MAP3K8: variants seen among roughly 807,000 people sequenced by gnomAD.
MAP3K8 encodes mitogen-activated protein kinase kinase kinase 8, also known as Ewing sarcoma transformant.
MAP3K8 carries 22 observed loss-of-function variants against 45.8 expected under a neutral mutation model. The observed-to-expected ratio is 0.48, with a 90% CI of 0.34 to 0.69. The LOEUF (loss-of-function observed/expected upper bound fraction) is 0.69, where lower values mean the gene tolerates loss of function less well. MAP3K8 is among the 30% of genes least tolerant of loss of function. The pLI, the probability that MAP3K8 is intolerant of heterozygous loss-of-function variation, is 0.01. For missense variants in MAP3K8, 419 were observed against 585.0 expected (o/e 0.72, Z 2.93); for synonymous variants, 223 against 214.3 (o/e 1.04, Z -0.36).
At chr10:30,434,404 C>T in intron 1 of MAP3K8, 26 bp downstream of exon 1, 1 of 962,968 alleles carries the variant, frequency 1.0e-6, no homozygotes, top group South Asian at 4.8e-5. Context: ...GGGTCTCCGG[C>T]GTGTCTTTCG....
chr10:30,451,467 A>G (rs1273420722), intron 5 of MAP3K8, among the ~76,000 whole-genome samples, 171 bp from the exon 6 acceptor site: 1 of 152,190 alleles, frequency 6.6e-6, no homozygotes, highest in Non-Finnish European at 1.5e-5. Flanking sequence ...AGTGATTTTC[A>G]CCTCAACTCT....
intron 6 of MAP3K8, among the ~76,000 whole-genome samples, chr10:30,452,168 T>C (rs980779147): frequency 4.6e-5 from 7 of 150,654 alleles, no homozygotes; most frequent in African/African-American, 1.7e-4. Flanking sequence ...ACCCCATCTC[T>C]ATAAAAAAAA....
intron 3 of MAP3K8, among the ~76,000 whole-genome samples, chr10:30,447,222 G>C (rs1836371924): frequency 1.3e-5 from 2 of 152,214 alleles, no homozygotes; most frequent in African/African-American, 4.8e-5. Flanking sequence ...GCATGCGATA[G>C]ATATTAAGTG....
intron 5 of MAP3K8, among the ~76,000 whole-genome samples, 184 bp from the exon 6 acceptor site, chr10:30,451,454 C>A (rs561885103): frequency 9.0e-4 from 137 of 152,254 alleles, no homozygotes; most frequent in African/African-American, 2.6e-3. Context: ...TTGATGGATC[C>A]AAAGTGATTT....
In MAP3K8 at chr10:30,458,065, T is replaced by C. The variant is rs764837982; in HGVS notation, c.874-19T>C. ...CAAAGGAGGGGAATGAAGCTGAATG[T>C]TTCCCACTTCTTTTTCAGATTTACA... On this transcript the variant is annotated intron_variant, in intron 6 of 8. Coordinates refer to ENST00000263056, the MANE Select transcript of MAP3K8 (RefSeq NM_005204.4). The C allele has an allele frequency of 6.9e-7, 1 of 1,448,666 alleles. No individual in the cohort carries two copies. The highest frequency in any genetic ancestry group is 2.4e-5 in the Admixed American group (1 of 40,834). The allele number at this position is 1,448,666 out of a possible 1,614,324, so 89.7% of individuals were successfully genotyped here.
chr10:30,448,062 A>G, intron 4 of MAP3K8, 113 bp downstream of exon 4: 1 of 910,642 alleles, frequency 1.1e-6, no homozygotes, highest in Non-Finnish European at 1.7e-6. Context: ...GTCTTATCTG[A>G]GGGTGCACTG....
intron 1 of MAP3K8, among the ~76,000 whole-genome samples, chr10:30,436,344 G>C (rs998292360): frequency 1.3e-5 from 2 of 152,162 alleles, no homozygotes; most frequent in African/African-American, 4.8e-5. Flanking sequence ...CAGGCGAACT[G>C]GTCAGCAGGG....
chr10:30,459,902 G>A (rs1447091539), intron 8 of MAP3K8, among the ~76,000 whole-genome samples: 1 of 151,912 alleles, frequency 6.6e-6, no homozygotes, highest in Non-Finnish European at 1.5e-5. Context: ...GAGTGCAGTG[G>A]CATGATCTTG....
At chr10:30,455,464 A>T in intron 6 of MAP3K8, among the ~76,000 whole-genome samples, 1 of 152,230 alleles carries the variant, frequency 6.6e-6, no homozygotes, top group East Asian at 1.9e-4. Flanking sequence ...AAGCATTGGT[A>T]TTCAGAGCAT....
At chr10:30,454,381 A>T (rs1281787915) in intron 6 of MAP3K8, among the ~76,000 whole-genome samples, 1 of 102,840 alleles carries the variant, frequency 9.7e-6, no homozygotes, top group Non-Finnish European at 2.7e-5. Flanking sequence ...ATCGCTACAA[A>T]AAGTAAACAA....
chr10:30,454,209 T>C (rs1188110530), intron 6 of MAP3K8, among the ~76,000 whole-genome samples: 1 of 152,052 alleles, frequency 6.6e-6, no homozygotes, highest in Non-Finnish European at 1.5e-5. Context: ...TGGCTGCACC[T>C]CTATGTCAGG....
chr10:30,441,418 A>T (rs554177397), intron 3 of MAP3K8, among the ~76,000 whole-genome samples: 1 of 152,314 alleles, frequency 6.6e-6, no homozygotes, highest in African/African-American at 2.4e-5. Context: ...TGGCCTTTCA[A>T]AGTGTGGGGA....
chr10:30,458,265 C>CGGCGGGGGGGGG, intron 7 of MAP3K8, 29 bp downstream of exon 7: 1 of 405,654 alleles, frequency 2.5e-6, no homozygotes, highest in Non-Finnish European at 3.7e-6. Flanking sequence ...GGGCTGGGGG[C>CGGCGGGGGGGGG]GGCGGGGGGG....
chr10:30,437,348 C>T lies in MAP3K8; in HGVS notation c.-82C>T. On this transcript the variant is annotated 5_prime_UTR_variant, in exon 2 of 9. Transcript: ENST00000263056. ...CACAGCTTATTTACCATGCCCCTGA[C>T]ACTGCACTGAGCACTTTATGAGCTT... The T allele has an allele frequency of 1.0e-6, 1 of 978,940 alleles. No individual in the cohort carries two copies. The highest frequency in any genetic ancestry group is 1.2e-6 in the Non-Finnish European group (1 of 823,964). 60.6% of individuals were successfully genotyped at this position (978,940 alleles called of 1,614,324 possible).
intron 3 of MAP3K8, 195 bp downstream of exon 3, chr10:30,439,469 A>G: frequency 8.7e-7 from 1 of 1,151,734 alleles, no homozygotes; most frequent in Non-Finnish European, 1.2e-6. Flanking sequence ...CTATTTAAAG[A>G]TTCTTGATCA....
intron 3 of MAP3K8, chr10:30,439,534 G>C (rs1322043689): frequency 1.2e-6 from 1 of 808,112 alleles, no homozygotes; most frequent in Non-Finnish European, 1.9e-6. Context: ...TTTTGGCCGG[G>C]TGCAGGGGCT....
intron 7 of MAP3K8, 36 bp downstream of exon 7, chr10:30,458,272 G>T (rs764138411): frequency 1.5e-6 from 2 of 1,365,480 alleles, no homozygotes; most frequent in Non-Finnish European, 1.9e-6. Context: ...GGGCGGCGGG[G>T]GGGGGCGTTG....
In MAP3K8 at chr10:30,439,125, C is replaced by T; in HGVS notation, c.187C>T (p.Leu63=). The part of the protein sequence containing the change: ...SNQNDERSKS[L]LLSGQEVPWL... The stretch of plus-strand genomic sequence containing the variant: ...TCAAAACGATGAGCGTTCTAAGTCT[C>T]TGCTGCTTAGTGGCCAAGAGGTACC... Residue 63 remains leucine, a synonymous_variant, in exon 3 of 9, where the codon CTG becomes TTG. Coordinates refer to ENST00000263056, the MANE Select transcript of MAP3K8 (RefSeq NM_005204.4). 6.2e-7 allele frequency: 1 copy of T among 1,614,232 alleles called. No homozygotes were observed. Among genetic ancestry groups the T allele is most frequent in the Non-Finnish European group, 8.5e-7 (1 of 1,180,042 alleles).
chr10:30,454,680 T>C (rs1836677674), intron 6 of MAP3K8, among the ~76,000 whole-genome samples: 1 of 152,022 alleles, frequency 6.6e-6, no homozygotes, highest in Non-Finnish European at 1.5e-5. Flanking sequence ...GAAGTTATTA[T>C]TGAAAATGCT....
Sources: gnomAD v4.1 joint callset for allele counts (sites outside exome capture counted in the v4.1 genomes callset) on GRCh38, gnomAD v4.1.1 for gene constraint, MANE v1.5 for transcripts, NCBI Gene and HGNC (gene_info 2026-07-23, HGNC 2026-07-21) for gene names.